The following MAPK4 variants were observed in gnomAD, a reference collection of about 807,000 sequenced individuals.
MAPK4 encodes the protein Erk3-related.
Under a neutral mutation model 47.7 loss-of-function variants are expected in MAPK4, and 22 were observed. The ratio of observed to expected loss-of-function variants is 0.46; its 90% confidence interval spans 0.33 to 0.66. The LOEUF (loss-of-function observed/expected upper bound fraction) is 0.66, where lower values mean the gene tolerates loss of function less well. MAPK4 is among the 30% of genes least tolerant of loss of function. The pLI is 0.02. For synonymous variants in MAPK4, 390 were observed against 365.7 expected, an observed-to-expected ratio of 1.07 and a Z score of -0.76; for missense variants, 736 against 831.7, an observed-to-expected ratio of 0.88 and a Z score of 1.42.
intron 3 of MAPK4, among the ~76,000 whole-genome samples, chr18:50,718,418 A>G (rs981097058): frequency 1.3e-5 from 2 of 152,238 alleles, no homozygotes; most frequent in South Asian, 2.1e-4. Flanking sequence ...GAGTTTTGCC[A>G]TGTTGGCCAG....
At chr18:50,606,582 C>T (rs1158100370) in intron 1 of MAPK4, among the ~76,000 whole-genome samples, 1 of 152,190 alleles carries the variant, frequency 6.6e-6, no homozygotes, top group Admixed American at 6.5e-5. Flanking sequence ...ATTGCATTTT[C>T]CTGTCTGCTT....
At chr18:50,616,517 G>A (rs1274086660) in intron 1 of MAPK4, among the ~76,000 whole-genome samples, 2 of 152,210 alleles carry the variant, frequency 1.3e-5, no homozygotes, top group African/African-American at 2.4e-5. Context: ...TTATTAAGGA[G>A]TATTGACTCA....
At chr18:50,593,810 G>C (rs191957852) in intron 1 of MAPK4, among the ~76,000 whole-genome samples, 1 of 152,326 alleles carries the variant, frequency 6.6e-6, no homozygotes, top group Admixed American at 6.5e-5. Context: ...CACACTACCT[G>C]AGTCAGGGTT....
intron 2 of MAPK4, among the ~76,000 whole-genome samples, chr18:50,679,760 G>C (rs1280021737): frequency 2.0e-5 from 3 of 152,216 alleles, no homozygotes; most frequent in Non-Finnish European, 4.4e-5. Context: ...CTTTGCCCAG[G>C]TGGAAGCTTG....
chr18:50,581,153 C>G (rs964768965), intron 1 of MAPK4, among the ~76,000 whole-genome samples: 8 of 152,224 alleles, frequency 5.3e-5, no homozygotes, highest in Admixed American at 4.6e-4. Flanking sequence ...CTATCTGTGG[C>G]TGTAGCAAAC....
intron 1 of MAPK4, among the ~76,000 whole-genome samples, chr18:50,561,254 G>T (rs953135245): frequency 5.3e-5 from 8 of 152,250 alleles, no homozygotes; most frequent in African/African-American, 1.9e-4. Flanking sequence ...CCTGGGGGTT[G>T]ATTAATGTCA....
chr18:50,706,790 A>C (rs1156977403), intron 2 of MAPK4, among the ~76,000 whole-genome samples: 1 of 151,974 alleles, frequency 6.6e-6, no homozygotes, highest in African/African-American at 2.4e-5. Context: ...AGCCCAACCA[A>C]ATCATCCCTC....
chr18:50,718,365 T>C (rs1487642915), intron 3 of MAPK4, among the ~76,000 whole-genome samples: 1 of 152,182 alleles, frequency 6.6e-6, no homozygotes, highest in Non-Finnish European at 1.5e-5. Flanking sequence ...ATTACAGGCA[T>C]GTGCCACCAC....
chr18:50,684,591 C>T (rs193263174), intron 2 of MAPK4, among the ~76,000 whole-genome samples: 2 of 151,948 alleles, frequency 1.3e-5, no homozygotes, highest in East Asian at 3.9e-4. Flanking sequence ...CTTGGGTGAG[C>T]TCTGCCTTCG....
Position 50,664,118 on chromosome 18 carries a change from A to G in MAPK4, c.160A>G (p.Ser54Gly). The change falls in exon 2 of 6, where the codon AGC (serine) becomes GGC (glycine). Residue 54 changes from serine to glycine, a missense_variant. This residue lies in a region of MAPK4 where 327 missense variants were observed against 395.4 expected (regional missense o/e 0.83). Transcript: ENST00000400384. This position sits in a 1 kb window ranked among gnomAD's most constrained non-coding sequence, Gnocchi z 6.0. ...GGTCGCTGTGAAGAAGATTGCCCTG[A>G]GCGATGCCCGCAGCATGAAGCACGC... ...RKVAVKKIAL[S>G]DARSMKHALR... 6.2e-7 allele frequency: 1 copy of G among 1,614,086 alleles called. No homozygotes were observed. The highest frequency in any genetic ancestry group is 8.5e-7 in the Non-Finnish European group (1 of 1,180,036).
In MAPK4 at chr18:50,628,063, G is replaced by A. The variant is rs565190791; in HGVS notation, c.-870-35026G>A. On this transcript the variant is annotated intron_variant, in intron 1 of 5. Coordinates refer to ENST00000400384, the MANE Select transcript of MAPK4 (RefSeq NM_002747.4). ...CGTGGTGACTCCTGACACTGGCTCCGAGGTAGGGTTCCCGGGCAGTAGGGG... is the reference window on the plus strand; with the variant it reads ...CGTGGTGACTCCTGACACTGGCTCCAAGGTAGGGTTCCCGGGCAGTAGGGG... 5.9e-5 allele frequency among the ~76,000 whole-genome samples: 9 copies of A among 152,292 alleles called. No individual in the cohort carries two copies. In the East Asian group the frequency reaches 7.7e-4, roughly 13 times the overall value.
At chr18:50,699,703 G>T (rs1909683899) in intron 2 of MAPK4, among the ~76,000 whole-genome samples, 2 of 152,162 alleles carry the variant, frequency 1.3e-5, no homozygotes, top group South Asian at 4.1e-4. Context: ...AAGCCCGGGG[G>T]TCCCTAGGTC....
At position 50,625,526 on chromosome 18, in the gene MAPK4, C is replaced by T. The variant is rs189352810; in HGVS notation, c.-870-37563C>T. Among the ~76,000 whole-genome samples the T allele has an allele frequency of 4.6e-5, 7 of 152,272 alleles. No individual in the cohort carries two copies. The East Asian group carries it at 1.4e-3, about 29-fold the overall frequency. ...CTCTTAGCACATGCAAGGGCTGTGA[C>T]ACAGATGGCAGAGGAGGCCAAGGAG... is the stretch of plus-strand genomic sequence containing the variant. On this transcript the variant is annotated intron_variant, in intron 1 of 5. Coordinates refer to ENST00000400384, the MANE Select transcript of MAPK4 (RefSeq NM_002747.4).
intron 1 of MAPK4, among the ~76,000 whole-genome samples, chr18:50,562,847 C>G (rs2042166026): frequency 6.6e-6 from 1 of 152,092 alleles, no homozygotes; most frequent in African/African-American, 2.4e-5. Context: ...TATGAAAAGC[C>G]AGGAGCAAAT....
intron 2 of MAPK4, among the ~76,000 whole-genome samples, chr18:50,674,595 G>C (rs1908154877): frequency 6.6e-6 from 1 of 152,114 alleles, no homozygotes; most frequent in South Asian, 2.1e-4. Flanking sequence ...CCCACACACT[G>C]TTCCCTCTGT....
chr18:50,635,091 T>C (rs1177307731), intron 1 of MAPK4, among the ~76,000 whole-genome samples: 3 of 152,208 alleles, frequency 2.0e-5, no homozygotes, highest in African/African-American at 7.2e-5. Flanking sequence ...AGCGTATCTG[T>C]CTTACTAATC....
At chr18:50,706,185 TG>T (rs1910042600) in intron 2 of MAPK4, 1 of 152,234 alleles carries the variant, frequency 6.6e-6, no homozygotes. Flanking sequence ...TTCAGCCATC[TG>T]GGGAAAACCT....
intron 2 of MAPK4, among the ~76,000 whole-genome samples, chr18:50,677,499 C>G (rs754082865): frequency 6.6e-6 from 1 of 151,988 alleles, no homozygotes; most frequent in Non-Finnish European, 1.5e-5. Flanking sequence ...AGTCCACGGA[C>G]AGGGACCCTC....
chr18:50,714,181 A>G (rs920787), intron 2 of MAPK4, among the ~76,000 whole-genome samples: 148,178 of 152,228 alleles, frequency 0.97, 72,220 homozygotes, highest in South Asian at 1. Flanking sequence ...TAACTGTCTC[A>G]CCTTGACCCC....
Sources: allele counts gnomAD v4.1 joint callset (sites outside exome capture counted in the v4.1 genomes callset), GRCh38; gene constraint gnomAD v4.1.1; regional missense constraint gnomAD v4.1.1; non-coding constraint Gnocchi (gnomAD v3.1); transcripts MANE v1.5; gene names NCBI Gene and HGNC (gene_info 2026-07-23, HGNC 2026-07-21).